Variants in NUP214 observed in about 807,000 individuals in gnomAD.
NUP214 encodes the protein nucleoporin 214.
Under a neutral mutation model 196.2 loss-of-function variants are expected in NUP214, and 79 were observed. The ratio of observed to expected loss-of-function variants is 0.40; its 90% CI spans 0.34 to 0.49. NUP214 has a LOEUF of 0.49. Ranked by LOEUF, NUP214 falls within the 20% of genes least tolerant of loss-of-function variation. NUP214 has a pLI of 0.58. For synonymous variants in NUP214, 1,020 were observed against 990.5 expected, an observed-to-expected ratio of 1.03 and a Z score of -0.56; for missense variants, 2,468 against 2,539.0, an observed-to-expected ratio of 0.97 and a Z score of 0.60.
chr9:131,157,134 A>G (rs1443678367), intron 17 of NUP214, among the ~76,000 whole-genome samples: 3 of 118,746 alleles, frequency 2.5e-5, no homozygotes, highest in Admixed American at 1.0e-4. Flanking sequence ...TACCACGTTT[A>G]GCTCTGTTTT....
intron 31 of NUP214, among the ~76,000 whole-genome samples, chr9:131,218,198 G>T (rs1834455678): frequency 6.6e-6 from 1 of 152,182 alleles, no homozygotes; most frequent in Admixed American, 6.5e-5. Context: ...ACTTAACATT[G>T]TATTATTTTA....
chr9:131,230,447 G>A, intron 33 of NUP214, 183 bp from the exon 34 acceptor site: 1 of 623,538 alleles, frequency 1.6e-6, no homozygotes, highest in Non-Finnish European at 2.8e-6. Context: ...TCCTAGAGCA[G>A]AGATAAAAGT....
At chr9:131,228,073 T>G in intron 32 of NUP214, 87 bp from the exon 33 acceptor site, 16 of 1,300,610 alleles carry the variant, frequency 1.2e-5, no homozygotes, top group Non-Finnish European at 1.6e-5. Context: ...CCTATTTTGA[T>G]TTGGTTTCTC....
At chr9:131,162,700 C>G (rs1188479327) in intron 18 of NUP214, 3 of 369,554 alleles carry the variant, frequency 8.1e-6, no homozygotes, top group Non-Finnish European at 1.5e-5. Context: ...TCACACCTCA[C>G]TCCTGCCCTT....
intron 31 of NUP214, 147 bp from the exon 32 acceptor site, chr9:131,222,631 C>A: frequency 1.3e-6 from 1 of 789,120 alleles, no homozygotes; most frequent in Non-Finnish European, 2.0e-6. Flanking sequence ...GTACCTGTTG[C>A]TGTCACTGTC....
chr9:131,200,470 G>A (rs1053219822), intron 29 of NUP214, among the ~76,000 whole-genome samples: 4 of 152,226 alleles, frequency 2.6e-5, no homozygotes, highest in African/African-American at 9.6e-5. Context: ...AACACTTTGG[G>A]AGGCTGAGGC....
chr9:131,183,374 C>T (rs1374823955), intron 24 of NUP214, among the ~76,000 whole-genome samples: 5 of 152,162 alleles, frequency 3.3e-5, no homozygotes, highest in East Asian at 1.9e-4. Flanking sequence ...CTTGAGCCAC[C>T]GCGCCCGGCT....
chr9:131,133,235 GT>G (rs1831612563), intron 7 of NUP214, 26 bp downstream of exon 7: 1 of 1,373,116 alleles, frequency 7.3e-7, no homozygotes, highest in Non-Finnish European at 9.8e-7. Flanking sequence ...AAATTTCATT[GT>G]TTGAGAATTA....
intron 23 of NUP214, among the ~76,000 whole-genome samples, chr9:131,177,944 G>A (rs1833161936): frequency 6.6e-6 from 1 of 152,300 alleles, no homozygotes; most frequent in East Asian, 1.9e-4. Context: ...GACAGTGAAT[G>A]AGTGGCAGAA....
intron 28 of NUP214, among the ~76,000 whole-genome samples, chr9:131,195,946 A>G (rs1396580342): frequency 7.6e-6 from 1 of 131,614 alleles, no homozygotes; most frequent in African/African-American, 2.8e-5. Flanking sequence ...AATTGCTTGA[A>G]CCTGGGAGGC....
chr9:131,175,602 G>A lies in NUP214; in HGVS notation c.3300G>A (p.Gln1100=), dbSNP rs749116136. The A allele has an allele frequency of 1.2e-6, 2 of 1,614,176 alleles. No homozygotes were observed. The highest frequency in any genetic ancestry group is 2.2e-5 in the East Asian group (1 of 44,868). The change falls in exon 23 of 36, where the codon CAG becomes CAA. Residue 1100 remains glutamine (Q), a synonymous_variant. Transcript: ENST00000359428. ...QAAAAAALRR[Q]MASQAPAVNT... is the part of the protein sequence containing the mutation. The stretch of plus-strand genomic sequence containing the variant: ...CTGCCGCAGCAGCACTCAGGCGGCA[G>A]ATGGCCAGTCAGGCACCAGGTAAAA...
chr9:131,197,269 G>C lies in NUP214; in HGVS notation c.3775G>C (p.Gly1259Arg), dbSNP rs754910008. The part of the protein sequence containing the change: ...SSQPDAFSSG[G>R]GSKPSYEAIP... ...CCAGCCGGACGCATTCTCATCTGGT[G>C]GGGGAAGCAAACCTTCTTATGAGGC... Residue 1259 changes from glycine to arginine, a missense_variant, in exon 29 of 36, where the codon GGG becomes CGG. This residue lies in a region of NUP214 where 1,801 missense variants were observed against 1,779.4 expected (regional missense o/e 1.01). Coordinates refer to ENST00000359428, the MANE Select transcript of NUP214 (RefSeq NM_005085.4). 3.7e-6 allele frequency: 6 copies of C among 1,614,098 alleles called. No individual in the cohort carries two copies. Among genetic ancestry groups the C allele is most frequent in the East Asian group, 2.2e-5 (1 of 44,874 alleles).
intron 32 of NUP214, among the ~76,000 whole-genome samples, chr9:131,224,467 G>A (rs886130070): frequency 6.6e-6 from 1 of 152,176 alleles, no homozygotes; most frequent in African/African-American, 2.4e-5. Flanking sequence ...GGGTAAGTGG[G>A]CAGGACACTT....
intron 17 of NUP214, among the ~76,000 whole-genome samples, chr9:131,152,890 C>T (rs143398191): frequency 6.6e-6 from 1 of 152,184 alleles, no homozygotes; most frequent in East Asian, 1.9e-4. Context: ...ATCCTCCCAC[C>T]TCAGCCTCCC....
At chr9:131,215,389 C>T in intron 31 of NUP214, 21 bp downstream of exon 31, 2 of 1,556,288 alleles carry the variant, frequency 1.3e-6, no homozygotes, top group East Asian at 4.8e-5. Context: ...AAGACTTTTC[C>T]CAGTCCCTTG....
intron 30 of NUP214, among the ~76,000 whole-genome samples, chr9:131,211,436 C>T (rs537079787): frequency 1.3e-5 from 2 of 152,118 alleles, no homozygotes; most frequent in East Asian, 3.9e-4. Context: ...TGAATTTTTC[C>T]TGGTAATTCA....
intron 31 of NUP214, among the ~76,000 whole-genome samples, chr9:131,218,353 G>A (rs571115498): frequency 3.3e-5 from 5 of 152,188 alleles, no homozygotes; most frequent in Admixed American, 6.5e-5. Flanking sequence ...GCTGGGAGTC[G>A]TCTGGGGAAA....
chr9:131,154,534 A>G (rs188982505), intron 17 of NUP214, among the ~76,000 whole-genome samples: 30 of 152,258 alleles, frequency 2.0e-4, no homozygotes, highest in African/African-American at 7.0e-4. Flanking sequence ...GGCTCACTGC[A>G]TCCTCTTTCA....
At chr9:131,223,473 A>C (rs1046431982) in intron 32 of NUP214, among the ~76,000 whole-genome samples, 2 of 151,730 alleles carry the variant, frequency 1.3e-5, no homozygotes, top group East Asian at 3.9e-4. Flanking sequence ...CTGTAATGCA[A>C]CTCTTAAGAG....
Sources: gnomAD v4.1 joint callset for allele counts (sites outside exome capture counted in the v4.1 genomes callset) on GRCh38, gnomAD v4.1.1 for gene constraint, gnomAD v4.1.1 regional missense constraint, MANE v1.5 for transcripts, NCBI Gene and HGNC (gene_info 2026-07-23, HGNC 2026-07-21) for gene names.